Variants in CEP89 observed in about 807,000 individuals in gnomAD.
The protein encoded by CEP89 is centrosomal protein of 89 kDa.
A neutral mutation model predicts 97.6 loss-of-function variants in CEP89; 95 were observed. The ratio of observed to expected loss-of-function variants is 0.97; its 90% CI spans 0.82 to 1.15. The LOEUF (loss-of-function observed/expected upper bound fraction) is 1.15. Among genes scored for constraint, CEP89 ranks in the 50% most tolerant of loss-of-function variants. CEP89 has a pLI of 0.00. For synonymous variants in CEP89, 354 were observed against 349.1 expected (o/e 1.01, Z -0.16); for missense variants, 869 against 947.7 (o/e 0.92, Z 1.09).
At position 32,892,115 on chromosome 19, in the gene CEP89, TAC is replaced by T. The variant is rs1422158717; in HGVS notation, c.1876-4276_1876-4275del. Among the ~76,000 whole-genome samples the T allele has an allele frequency of 5.7e-3, 830 of 146,562 alleles. 12 individuals carry two copies. The highest frequency in any genetic ancestry group is 0.019 in the African/African-American group (749 of 40,056). ...AAATATATATATATATATTTAGACA[TAC>T]ATATATTTAGACATATATATTTAGA... On this transcript the variant is annotated intron_variant, in intron 16 of 18. Transcript: ENST00000305768.
At chr19:32,884,192 T>G (rs1969346245) in intron 17 of CEP89, among the ~76,000 whole-genome samples, 2 of 152,184 alleles carry the variant, frequency 1.3e-5, no homozygotes, top group Admixed American at 6.5e-5. Context: ...CCCCCTTTTT[T>G]TTGGTGTCAT....
chr19:32,962,518 G>T (rs533155378), intron 2 of CEP89, among the ~76,000 whole-genome samples: 1 of 152,242 alleles, frequency 6.6e-6, no homozygotes, highest in South Asian at 2.1e-4. Context: ...AACACTTCTA[G>T]AAGAAAATAT....
chr19:32,943,708 G>C (rs899474705), intron 5 of CEP89, among the ~76,000 whole-genome samples: 20 of 152,194 alleles, frequency 1.3e-4, no homozygotes, highest in African/African-American at 4.6e-4. Flanking sequence ...AGGGAGAGTA[G>C]CATGTGCACA....
intron 15 of CEP89, among the ~76,000 whole-genome samples, chr19:32,900,347 G>A (rs1779232547): frequency 6.6e-6 from 1 of 150,470 alleles, no homozygotes; most frequent in Admixed American, 6.7e-5. Flanking sequence ...TCAGGTTCAA[G>A]TGATTCTCAT....
intron 14 of CEP89, among the ~76,000 whole-genome samples, chr19:32,908,983 G>A (rs1049866304): frequency 6.6e-6 from 1 of 152,180 alleles, no homozygotes. Context: ...ATTTTGTCTT[G>A]CTTTCTCTGC....
Position 32,966,402 on chromosome 19 carries a change from G to C in CEP89, c.104C>G (p.Thr35Arg). 6.4e-7 allele frequency: 1 copy of C among 1,563,746 alleles called. No homozygotes were observed. Among genetic ancestry groups the C allele is most frequent in the Non-Finnish European group, 8.7e-7 (1 of 1,152,174 alleles). ...SVAPKAAVPR[T>R]PPPRSPNPSP... is the part of the protein sequence containing the mutation. ...TGGGTTGGGGCTGCGGGGAGGAGGT[G>C]TGCGTGGCACAGCTGCCTTCGGAGC... The change falls in exon 2 of 19, where the codon ACA becomes AGA. Residue 35 changes from threonine (T) to arginine (R), a missense_variant. Physicochemically the swap from Thr to Arg is moderately conservative, Grantham distance 71. Transcript: ENST00000305768.
intron 16 of CEP89, among the ~76,000 whole-genome samples, chr19:32,898,338 T>G (rs1253632114): frequency 1.3e-5 from 2 of 151,548 alleles, no homozygotes; most frequent in Non-Finnish European, 2.9e-5. Flanking sequence ...GTTGACCTCA[T>G]GGAGGTGGAG....
chr19:32,894,328 C>A (rs1969594792), intron 16 of CEP89, among the ~76,000 whole-genome samples: 1 of 152,146 alleles, frequency 6.6e-6, no homozygotes, highest in Non-Finnish European at 1.5e-5. Context: ...TATGTCAGCA[C>A]CTAACTTATC....
intron 16 of CEP89, among the ~76,000 whole-genome samples, chr19:32,896,877 C>G (rs1355628017): frequency 1.3e-5 from 2 of 151,568 alleles, no homozygotes; most frequent in Non-Finnish European, 2.9e-5. Context: ...TAGACATTCC[C>G]CAAAAGCAGA....
Position 32,915,374 on chromosome 19 carries a change from C to G in CEP89, c.1528G>C (p.Val510Leu), listed in dbSNP as rs778868993. ...LKTHSDGKIA[V>L]EVHKSIVNEL... is the part of the protein sequence containing the mutation. ...TTCACAATTGATTTATGAACTTCCACTGCGATTTTGCCATCCGAGTGTGTT... is the reference window on the plus strand; with the variant it reads ...TTCACAATTGATTTATGAACTTCCAGTGCGATTTTGCCATCCGAGTGTGTT... The change falls in exon 14 of 19, where the codon GTG becomes CTG. Residue 510 changes from valine to leucine, a missense_variant. Coordinates refer to ENST00000305768, the MANE Select transcript of CEP89 (RefSeq NM_032816.5). 6.8e-6 allele frequency: 11 copies of G among 1,610,638 alleles called. No homozygotes were observed. In the East Asian group the frequency reaches 2.5e-4, roughly 36 times the overall value.
chr19:32,971,181 A>C, intron 1 of CEP89: 34 of 225,094 alleles, frequency 1.5e-4, no homozygotes, highest in Non-Finnish European at 1.9e-4. Flanking sequence ...GGAGATGGGA[A>C]CAGCTGGCAG....
rs147164790 is a variant in CEP89, at chr19:32,892,852, C to T, written c.1876-5011G>A. On this transcript the variant is annotated intron_variant, in intron 16 of 18. Coordinates refer to ENST00000305768, the MANE Select transcript of CEP89 (RefSeq NM_032816.5). ...AATCCTACACCTGGAATTGAAAGGACGATATCTACTATCATGAAAACACAT... is the reference window on the plus strand; with the variant it reads ...AATCCTACACCTGGAATTGAAAGGATGATATCTACTATCATGAAAACACAT... Among the ~76,000 whole-genome samples, 441 of 151,944 alleles carry T rather than the reference C, an allele frequency of 2.9e-3. 3 individuals carry two copies. The highest frequency in any genetic ancestry group is 9.7e-3 in the African/African-American group (404 of 41,450).
intron 5 of CEP89, among the ~76,000 whole-genome samples, chr19:32,947,559 C>T (rs2145949833): frequency 1.3e-5 from 2 of 152,120 alleles, no homozygotes; most frequent in South Asian, 4.2e-4. Flanking sequence ...GGTGCGATCT[C>T]AGCTCACTGC....
intron 12 of CEP89, among the ~76,000 whole-genome samples, chr19:32,918,818 CA>C (rs931644045): frequency 6.7e-6 from 1 of 149,438 alleles, no homozygotes; most frequent in African/African-American, 2.5e-5. Context: ...AACAAAAAAA[CA>C]AAAAAAACTG....
At chr19:32,922,371 G>GT (rs1970267655) in intron 12 of CEP89, among the ~76,000 whole-genome samples, 1 of 151,636 alleles carries the variant, frequency 6.6e-6, no homozygotes, top group Admixed American at 6.6e-5. Flanking sequence ...GTGAGACTCT[G>GT]TATCTACAAA....
rs577457835 is a variant in CEP89 at position 32,959,979 on chromosome 19, G to A, written c.226C>T (p.Arg76Trp). ...VAIPQPRQRS[R>W]SESDVSSVEQ... Reference sequence around the variant, plus strand: ...ACACTGCTCACATCACTCTCAGACCGGGACCTCTGGCGAGGCTGAGGAATA... The same window carrying A: ...ACACTGCTCACATCACTCTCAGACCAGGACCTCTGGCGAGGCTGAGGAATA... The change falls in exon 3 of 19, where the codon CGG becomes TGG. Residue 76 changes from arginine to tryptophan, a missense_variant. Physicochemically the swap from Arg to Trp is moderately radical, Grantham distance 101. Coordinates refer to ENST00000305768, the MANE Select transcript of CEP89 (RefSeq NM_032816.5). The A allele has an allele frequency of 5.1e-5, 82 of 1,614,152 alleles. No individual in the cohort carries two copies. Among genetic ancestry groups the A allele is most frequent in the Middle Eastern group, 1.6e-4 (1 of 6,062 alleles).
intron 6 of CEP89, among the ~76,000 whole-genome samples, chr19:32,938,411 CT>C (rs988216869): frequency 2.0e-5 from 3 of 152,158 alleles, no homozygotes; most frequent in African/African-American, 7.2e-5. Context: ...TTGCAAAATG[CT>C]GAGAAAGGAA....
At chr19:32,963,255 C>A (rs1298663831) in intron 2 of CEP89, among the ~76,000 whole-genome samples, 1 of 152,094 alleles carries the variant, frequency 6.6e-6, no homozygotes, top group Non-Finnish European at 1.5e-5. Flanking sequence ...ACTTAGGAGG[C>A]TGAAGCATGA....
Position 32,939,841 on chromosome 19 carries a change from A to T in CEP89, c.624+16T>A, listed in dbSNP as rs1406316832. ...TATTTATTGAGAAAATCAGTTTTTA[A>T]AAAAAATGATCTTACCTTTAAATTC... On this transcript the variant is annotated intron_variant, in intron 6 of 18. Transcript: ENST00000305768. The T allele has an allele frequency of 4.3e-6, 5 of 1,158,160 alleles. No homozygotes were observed. The highest frequency in any genetic ancestry group is 6.3e-6 in the Non-Finnish European group (5 of 797,280). The allele number at this position is 1,158,160 out of a possible 1,614,324, so 71.7% of individuals were successfully genotyped here. A position where few individuals can be genotyped will look rare whatever the true frequency, so the allele number is the denominator to read the frequency against.
Sources: allele counts gnomAD v4.1 joint callset (sites outside exome capture counted in the v4.1 genomes callset), GRCh38; gene constraint gnomAD v4.1.1; transcripts MANE v1.5; gene names NCBI Gene and HGNC (gene_info 2026-07-23, HGNC 2026-07-21).